The following ZBTB20 variants were observed in gnomAD, a reference collection of about 807,000 sequenced individuals.
The protein encoded by ZBTB20 is zinc finger and BTB domain-containing protein 20.
Under a neutral mutation model 56.9 loss-of-function variants are expected in ZBTB20, and 9 were observed. That is an observed-to-expected ratio of 0.16 (90% confidence interval 0.10 to 0.28). ZBTB20 has a LOEUF of 0.28. Among genes scored for constraint, ZBTB20 ranks in the 10% least tolerant of loss-of-function variants. The pLI is 1.00. For synonymous variants in ZBTB20, 417 were observed against 420.7 expected (o/e 0.99, Z 0.11); for missense variants, 655 against 1,003.0 (o/e 0.65, Z 4.69).
intron 5 of ZBTB20, among the ~76,000 whole-genome samples, chr3:114,771,562 G>C (rs924134048): frequency 6.6e-6 from 1 of 152,150 alleles, no homozygotes; most frequent in Non-Finnish European, 1.5e-5. Flanking sequence ...CAAGATGGCA[G>C]ATTGCAGGGG....
intron 2 of ZBTB20, among the ~76,000 whole-genome samples, chr3:115,006,989 C>A (rs1414636790): frequency 6.6e-6 from 1 of 151,526 alleles, no homozygotes; most frequent in Non-Finnish European, 1.5e-5. Context: ...ACCAGAAAAT[C>A]CCTTTTGAGT....
intron 4 of ZBTB20, among the ~76,000 whole-genome samples, chr3:114,867,546 A>G (rs1397737697): frequency 6.6e-6 from 1 of 151,890 alleles, no homozygotes; most frequent in Non-Finnish European, 1.5e-5. Context: ...AGCGATTCTC[A>G]TGACTCAGCC....
At chr3:115,116,952 T>C (rs1412306250) in intron 1 of ZBTB20, among the ~76,000 whole-genome samples, 3 of 152,110 alleles carry the variant, frequency 2.0e-5, no homozygotes, top group Non-Finnish European at 4.4e-5. Context: ...TGAATATACA[T>C]AGGGTGACAC....
intron 10 of ZBTB20, among the ~76,000 whole-genome samples, chr3:114,372,502 A>T (rs986267600): frequency 1.3e-5 from 2 of 152,150 alleles, no homozygotes; most frequent in African/African-American, 4.8e-5. Flanking sequence ...CCTGTAGGTG[A>T]CTCTGGCTCC....
chr3:114,871,574 G>A (rs934432451), intron 4 of ZBTB20, among the ~76,000 whole-genome samples: 4 of 152,004 alleles, frequency 2.6e-5, no homozygotes, highest in African/African-American at 4.8e-5. Flanking sequence ...CAAAGCATCC[G>A]GAATAGGGGC....
At chr3:114,409,015 T>C (rs1431527355) in intron 7 of ZBTB20, among the ~76,000 whole-genome samples, 1 of 151,402 alleles carries the variant, frequency 6.6e-6, no homozygotes, top group Non-Finnish European at 1.5e-5. Flanking sequence ...CAACACACTG[T>C]GATGTCACAG....
intron 2 of ZBTB20, among the ~76,000 whole-genome samples, chr3:115,043,947 C>CT (rs1325310825): frequency 6.6e-6 from 1 of 152,118 alleles, no homozygotes; most frequent in Non-Finnish European, 1.5e-5. Context: ...AGCTCTCACT[C>CT]TAAGTTCACA....
At chr3:114,860,963 A>G (rs1166621501) in intron 4 of ZBTB20, among the ~76,000 whole-genome samples, 4 of 152,236 alleles carry the variant, frequency 2.6e-5, no homozygotes, top group African/African-American at 9.6e-5. Flanking sequence ...AAGTATGTGT[A>G]GATTGAATGG....
At chr3:114,877,967 C>G (rs927995164) in intron 4 of ZBTB20, among the ~76,000 whole-genome samples, 22 of 152,106 alleles carry the variant, frequency 1.4e-4, no homozygotes, top group Admixed American at 1.4e-3. Flanking sequence ...ACTGTGTAAG[C>G]TCTTTGTTTC....
intron 6 of ZBTB20, among the ~76,000 whole-genome samples, chr3:114,665,179 A>T (rs1053437556): frequency 2.6e-5 from 4 of 152,072 alleles, no homozygotes; most frequent in African/African-American, 9.7e-5. Flanking sequence ...CCCATAGATT[A>T]TAATACTGTA....
At chr3:114,447,762 A>G (rs2091356123) in intron 7 of ZBTB20, among the ~76,000 whole-genome samples, 1 of 152,162 alleles carries the variant, frequency 6.6e-6, no homozygotes, top group Non-Finnish European at 1.5e-5. Context: ...TGTGTACCCT[A>G]TAGTTATCCC....
chr3:114,706,847 C>T (rs545968531), intron 5 of ZBTB20, among the ~76,000 whole-genome samples: 1 of 152,092 alleles, frequency 6.6e-6, no homozygotes, highest in Admixed American at 6.6e-5. Flanking sequence ...TGAAGAGTGG[C>T]TTTCAGATCA....
chr3:114,916,152 G>T (rs1294573821), intron 3 of ZBTB20, among the ~76,000 whole-genome samples: 1 of 152,040 alleles, frequency 6.6e-6, no homozygotes, highest in Non-Finnish European at 1.5e-5. Context: ...GTGGGATGTT[G>T]ATGTCTTCAG....
intron 6 of ZBTB20, among the ~76,000 whole-genome samples, chr3:114,523,987 C>T (rs1334608302): frequency 6.6e-6 from 1 of 152,092 alleles, no homozygotes; most frequent in African/African-American, 2.4e-5. Flanking sequence ...TCAGCTGGCA[C>T]ACAGGCATGA....
chr3:114,961,090 A>C (rs2077432933), intron 3 of ZBTB20, among the ~76,000 whole-genome samples: 1 of 151,976 alleles, frequency 6.6e-6, no homozygotes, highest in South Asian at 2.1e-4. Context: ...TCTTTGAAGA[A>C]ATGTGAGTGT....
At chr3:114,361,046 T>A (rs991725343) in intron 10 of ZBTB20, among the ~76,000 whole-genome samples, 1 of 152,100 alleles carries the variant, frequency 6.6e-6, no homozygotes, top group East Asian at 1.9e-4. Flanking sequence ...CTTTATATAG[T>A]CTTTTGTATA....
rs78424893 is a variant in ZBTB20, at chr3:114,514,503, A to G, written c.-294-14112T>C. 6.9e-3 allele frequency among the ~76,000 whole-genome samples: 1,044 copies of G among 152,324 alleles called. 6 individuals carry two copies. Among genetic ancestry groups the G allele is most frequent in the Non-Finnish European group, 9.6e-3 (651 of 68,032 alleles). On this transcript the variant is annotated intron_variant, in intron 6 of 11. Transcript: ENST00000675478. ...GAGACACCCAGGTTCATCTAAATGT[A>G]TAGGGCATGAGGGATTAGTGGTACA...
chr3:114,678,489 C>A (rs1258577825), intron 6 of ZBTB20, among the ~76,000 whole-genome samples: 4 of 152,062 alleles, frequency 2.6e-5, no homozygotes, highest in Admixed American at 2.6e-4. Context: ...GATATAGGTA[C>A]CATTTTGACT....
At chr3:114,637,044 T>C (rs2059317629) in intron 6 of ZBTB20, among the ~76,000 whole-genome samples, 1 of 152,170 alleles carries the variant, frequency 6.6e-6, no homozygotes, top group Admixed American at 6.6e-5. Flanking sequence ...GCTATTCTTA[T>C]ATCATACAAA....
Sources: gnomAD v4.1 joint callset for allele counts (sites outside exome capture counted in the v4.1 genomes callset) on GRCh38, gnomAD v4.1.1 for gene constraint, MANE v1.5 for transcripts, NCBI Gene and HGNC (gene_info 2026-07-23, HGNC 2026-07-21) for gene names.